Variants in RASSF4 observed in about 807,000 individuals in gnomAD.
RASSF4 encodes Ras association domain family member 4.
A neutral mutation model predicts 41.1 loss-of-function variants in RASSF4; 38 were observed. The observed-to-expected ratio is 0.92, with a 90% CI of 0.71 to 1.21. RASSF4 has a LOEUF of 1.21. Ranked by LOEUF, RASSF4 falls within the 50% of genes most tolerant of loss-of-function variation. The pLI is 0.00. For synonymous variants in RASSF4, 179 were observed against 163.4 expected (o/e 1.10, Z -0.73); for missense variants, 414 against 419.4 (o/e 0.99, Z 0.11).
Position 44,982,584 on chromosome 10 carries a change from C to G in RASSF4, c.202C>G (p.Arg68Gly). The part of the protein sequence containing the change: ...NIAWGLRRPI[R>G]LQMQDDREQV... ...TGCCTGGGGGCTGAGGCGGCCCATC[C>G]GGCTGCAGATGCAGGATGACCGGGA... Residue 68 changes from arginine to glycine, a missense_variant, in exon 4 of 11, where the codon CGG (arginine) becomes GGG (glycine). By Grantham distance (125) the Arg-to-Gly change is moderately radical. Coordinates refer to ENST00000340258, the MANE Select transcript of RASSF4 (RefSeq NM_032023.4). The G allele has an allele frequency of 1.2e-6, 2 of 1,612,712 alleles. No homozygotes were observed. Among genetic ancestry groups the G allele is most frequent in the Non-Finnish European group, 1.7e-6 (2 of 1,179,322 alleles).
intron 6 of RASSF4, among the ~76,000 whole-genome samples, chr10:44,985,202 A>T (rs1305597962): frequency 6.6e-6 from 1 of 152,232 alleles, no homozygotes; most frequent in African/African-American, 2.4e-5. Flanking sequence ...TAAGCTGGGG[A>T]TGCCCTGGGC....
chr10:44,983,956 TCTC>T (rs761486899), intron 4 of RASSF4, 63 bp from the exon 5 acceptor site: 1 of 1,551,568 alleles, frequency 6.4e-7, no homozygotes, highest in African/African-American at 1.4e-5. Flanking sequence ...GCTGGTCTCT[TCTC>T]CTTGGCCTGA....
At chr10:44,970,362 C>A in intron 2 of RASSF4, 98 bp downstream of exon 2, 1 of 987,362 alleles carries the variant, frequency 1.0e-6, no homozygotes, top group South Asian at 1.3e-5. Context: ...AGCACTTGTT[C>A]AGAGATCTGA....
intron 8 of RASSF4, chr10:44,990,716 C>T (rs1842077196): frequency 2.5e-6 from 1 of 393,674 alleles, no homozygotes; most frequent in Non-Finnish European, 4.6e-6. Flanking sequence ...TCTTCTTCTT[C>T]TCAATTGCCA....
chr10:44,977,775 T>C, intron 3 of RASSF4: 1 of 1,601,160 alleles, frequency 6.2e-7, no homozygotes, highest in South Asian at 1.1e-5. Context: ...AAACGTGCGG[T>C]GATGTCTCGC....
At chr10:44,987,626 CT>C (rs34115822) in intron 6 of RASSF4, among the ~76,000 whole-genome samples, 2,481 of 128,192 alleles carry the variant, frequency 0.019, 44 homozygotes, top group African/African-American at 0.054. Flanking sequence ...AAAATGTGCA[CT>C]TTTTTTTTTT....
rs938345139 is a variant in RASSF4, at chr10:44,963,783, C to G, written c.-39+3917C>G. ...GAGGTAACCAAGCTCTCAGACTTCA[C>G]AGATATGCTTAGAACATTTTAATTT... On this transcript the variant is annotated intron_variant, in intron 1 of 10. Transcript: ENST00000340258. 2.6e-5 allele frequency among the ~76,000 whole-genome samples: 4 copies of G among 152,352 alleles called. No homozygotes were observed. In the East Asian group the frequency reaches 7.7e-4, roughly 29 times the overall value.
At chr10:44,962,980 G>A (rs950859571) in intron 1 of RASSF4, among the ~76,000 whole-genome samples, 1 of 152,198 alleles carries the variant, frequency 6.6e-6, no homozygotes, top group Non-Finnish European at 1.5e-5. Context: ...GTATCAGGGA[G>A]GCCTGGATGC....
At chr10:44,977,375 C>A (rs1489808158) in intron 3 of RASSF4, 2 of 1,550,834 alleles carry the variant, frequency 1.3e-6, no homozygotes, top group Non-Finnish European at 8.7e-7. Context: ...TCTACAGAAG[C>A]CTTTACTGGG....
chr10:44,960,713 A>C (rs896801462), intron 1 of RASSF4, among the ~76,000 whole-genome samples: 5 of 152,194 alleles, frequency 3.3e-5, no homozygotes, highest in African/African-American at 1.2e-4. Flanking sequence ...CAGGAGCCCC[A>C]TTTCACATAG....
rs1440129306 is a variant in RASSF4 at position 44,994,519 on chromosome 10, A to G, written c.*1190A>G. ...AAGCTCCTTACGGGTGCCCATCAAGAGCATAGCTTGGAAGCCACCATGCTG... is the reference window on the plus strand; with the variant it reads ...AAGCTCCTTACGGGTGCCCATCAAGGGCATAGCTTGGAAGCCACCATGCTG... On this transcript the variant is annotated 3_prime_UTR_variant, in exon 11 of 11. Coordinates refer to ENST00000340258, the MANE Select transcript of RASSF4 (RefSeq NM_032023.4). 2 of 152,338 alleles carry G rather than the reference A, an allele frequency of 1.3e-5. No individual in the cohort carries two copies. The highest frequency in any genetic ancestry group is 2.9e-5 in the Non-Finnish European group (2 of 68,038). The allele number at this position is 152,338 out of a possible 1,614,324, so 9.4% of individuals were successfully genotyped here.
chr10:44,983,222 T>TA (rs1841787544), intron 4 of RASSF4: 1 of 342,452 alleles, frequency 2.9e-6, no homozygotes, highest in African/African-American at 2.2e-5. Flanking sequence ...CCTTGCCTGC[T>TA]TCTGCAGTAG....
chr10:44,991,999 TGAAGTAA>T lies in RASSF4; in HGVS notation c.904_905+5del. ...GAAAGAGAAATAATCAAACTGACCA[TGAAGTAA>T]GCAGCACTTAAACAGACAGTCATGG... On this transcript the variant is annotated splice_donor_variant and splice_donor_region_variant and coding_sequence_variant and intron_variant, in exon 10 of 11. Transcript: ENST00000340258. LOFTEE classifies it high-confidence loss of function. 1 of 1,595,770 alleles carries T rather than the reference TGAAGTAA, an allele frequency of 6.3e-7. No homozygotes were observed. Among genetic ancestry groups the T allele is most frequent in the South Asian group, 1.1e-5 (1 of 90,704 alleles).
chr10:44,980,971 TTTTTAGCAG>T (rs1280641624), intron 3 of RASSF4: 3 of 152,148 alleles, frequency 2.0e-5, no homozygotes, highest in African/African-American at 7.2e-5. Context: ...TTTGTTTTCC[TTTTTAGCAG>T]ATAGTGCAAG....
At chr10:44,985,992 C>G (rs934902251) in intron 6 of RASSF4, among the ~76,000 whole-genome samples, 14 of 151,334 alleles carry the variant, frequency 9.3e-5, no homozygotes, top group Admixed American at 6.6e-5. Flanking sequence ...GTAGATTAGC[C>G]CAAGGACACA....
At chr10:44,975,349 G>A (rs1466855412) in intron 3 of RASSF4, among the ~76,000 whole-genome samples, 3 of 151,962 alleles carry the variant, frequency 2.0e-5, no homozygotes, top group Non-Finnish European at 4.4e-5. Context: ...TGTTTTCTGG[G>A]AGCCGCAAAG....
At chr10:44,980,752 G>T (rs1841674257) in intron 3 of RASSF4, 1 of 152,384 alleles carries the variant, frequency 6.6e-6, no homozygotes, top group South Asian at 2.1e-4. Context: ...CCAGGGTGGG[G>T]CTGGAGGGCA....
intron 1 of RASSF4, among the ~76,000 whole-genome samples, chr10:44,960,258 G>C (rs1840656977): frequency 6.6e-6 from 1 of 152,200 alleles, no homozygotes. Context: ...TAGCAGCAGG[G>C]GGGGTCTGTC....
At chr10:44,967,887 T>C (rs935984487) in intron 1 of RASSF4, among the ~76,000 whole-genome samples, 5 of 152,032 alleles carry the variant, frequency 3.3e-5, no homozygotes, top group Non-Finnish European at 5.9e-5. Context: ...TGCCCCAACA[T>C]GGACTGGGGC....
Sources: gnomAD v4.1 joint callset for allele counts (sites outside exome capture counted in the v4.1 genomes callset) on GRCh38, gnomAD v4.1.1 for gene constraint, MANE v1.5 for transcripts, NCBI Gene and HGNC (gene_info 2026-07-23, HGNC 2026-07-21) for gene names.